The following C17orf107 variants were observed in gnomAD, a reference collection of about 807,000 sequenced individuals.
The protein encoded by C17orf107 is chromosome 17 open reading frame 107, also known as uncharacterized protein C17orf107.
Under a neutral mutation model 8.9 loss-of-function variants are expected in C17orf107, and 9 were observed. The observed-to-expected ratio is 1.02, with a 90% confidence interval of 0.61 to 1.77. The LOEUF is 1.77. C17orf107 is among the 40% of genes most tolerant of loss of function. The pLI, the probability that C17orf107 is intolerant of heterozygous loss-of-function variation, is 0.00. For synonymous variants in C17orf107, 139 were observed against 120.3 expected, an observed-to-expected ratio of 1.16 and a Z score of -1.02; for missense variants, 281 against 249.0, an observed-to-expected ratio of 1.13 and a Z score of -0.86.
downstream of C17orf107, among the ~76,000 whole-genome samples, chr17:4,906,679 C>A (rs892807389): frequency 6.6e-6 from 1 of 151,752 alleles, no homozygotes; most frequent in Non-Finnish European, 1.5e-5. Flanking sequence ...ATAGTGAGAC[C>A]TCATCTGTAA....
chr17:4,906,517 G>C (rs563593766), downstream of C17orf107, among the ~76,000 whole-genome samples: 214 of 152,204 alleles, frequency 1.4e-3, no homozygotes, highest in African/African-American at 4.8e-3. Flanking sequence ...TGATCAAAAA[G>C]AGGGCAGAAG....
At position 4,900,700 on chromosome 17, in the gene C17orf107, C is replaced by T. The variant is rs901628873; in HGVS notation, c.*167C>T. On this transcript the variant is annotated 3_prime_UTR_variant, in exon 3 of 3. Coordinates refer to ENST00000381365, the MANE Select transcript of C17orf107 (RefSeq NM_001145536.2). ...CGTCCGAATAAAGCCCAGGGCGGGG[C>T]GAGACAGCCAGAGCTTTTCCCGGGG... The T allele has an allele frequency of 3.4e-6, 5 of 1,469,402 alleles. No individual in the cohort carries two copies. The highest frequency in any genetic ancestry group is 2.0e-5 in the Admixed American group (1 of 50,742). The allele number at this position is 1,469,402 out of a possible 1,614,324, so 91.0% of individuals were successfully genotyped here.
Position 4,900,578 on chromosome 17 carries a change from C to A in C17orf107, c.*45C>A. The A allele has an allele frequency of 5.2e-6, 8 of 1,548,070 alleles. No individual in the cohort carries two copies. The highest frequency in any genetic ancestry group is 7.0e-6 in the Non-Finnish European group (8 of 1,145,438). ...TAGGGAGGCACTGAGCCGGACTGTC[C>A]CCCAAGAGAGCTACTCGGGAGACCT... On this transcript the variant is annotated 3_prime_UTR_variant, in exon 3 of 3. Coordinates refer to ENST00000381365, the MANE Select transcript of C17orf107 (RefSeq NM_001145536.2).
In C17orf107 at chr17:4,901,171, GATGGCCC is replaced by G. The variant is rs753828284; in HGVS notation, c.*640_*646del. Reference sequence around the variant, plus strand: ...GGCGGATCACCCCCGGGCAGAAGTCGATGGCCCACTCGCCGTTCTCTGCGGGACGGGG... The same window carrying G: ...GGCGGATCACCCCCGGGCAGAAGTCGACTCGCCGTTCTCTGCGGGACGGGG... On this transcript the variant is annotated 3_prime_UTR_variant, in exon 3 of 3. Transcript: ENST00000381365. 350 of 1,606,940 alleles carry G rather than the reference GATGGCCC, an allele frequency of 2.2e-4. No homozygotes were observed. Among genetic ancestry groups the G allele is most frequent in the Non-Finnish European group, 2.9e-4 (344 of 1,179,418 alleles).
rs1333031231 is a variant in C17orf107, at chr17:4,900,026, T to G, written c.157T>G (p.Ser53Ala). ...YLEQRFRELK[S>A]LEPPEPKMQG... ...GGAGCAGAGGTTCAGAGAGCTGAAG[T>G]CCCTGGAGCCACCCGAACCGAAGAT... is the stretch of plus-strand genomic sequence containing the variant. The change falls in exon 2 of 3, where the codon TCC becomes GCC. Residue 53 changes from serine to alanine, a missense_variant. Coordinates refer to ENST00000381365, the MANE Select transcript of C17orf107 (RefSeq NM_001145536.2). 1.3e-6 allele frequency: 2 copies of G among 1,551,444 alleles called. No homozygotes were observed. Among genetic ancestry groups the G allele is most frequent in the Admixed American group, 3.9e-5 (2 of 51,006 alleles).
chr17:4,900,473 A>ATC lies in C17orf107; in HGVS notation c.513_514insTC (p.Gln172SerfsTer4). 1 of 1,551,126 alleles carries ATC rather than the reference A, an allele frequency of 6.4e-7. No individual in the cohort carries two copies. The highest frequency in any genetic ancestry group is 2.0e-5 in the Admixed American group (1 of 51,012). ...CTGCCTCATTCCTGCGACAGTCGCA[A>ATC]CAGCAGCTAGGCCTCGGAATCCCCG... On this transcript the variant is annotated frameshift_variant, in exon 3 of 3. Transcript: ENST00000381365. LOFTEE classifies it low-confidence loss of function (END_TRUNC).
In C17orf107 at chr17:4,899,746, T is replaced by C; in HGVS notation, c.-17T>C. On this transcript the variant is annotated 5_prime_UTR_variant, in exon 1 of 3. Transcript: ENST00000381365. ...GCGTCCCCCAGCCCTTCTCCTGTCC[T>C]ACCACTTGTGGCGGCCATGAAGGGG... The C allele has an allele frequency of 6.4e-7, 1 of 1,550,622 alleles. No homozygotes were observed. Among genetic ancestry groups the C allele is most frequent in the Non-Finnish European group, 8.7e-7 (1 of 1,146,270 alleles).
rs1488395588 is a variant in C17orf107, at chr17:4,902,065, C to T, written c.*1532C>T. On this transcript the variant is annotated 3_prime_UTR_variant, in exon 3 of 3. Coordinates refer to ENST00000381365, the MANE Select transcript of C17orf107 (RefSeq NM_001145536.2). The surrounding 1 kb of genome is among the most constrained non-coding windows in gnomAD (Gnocchi z 4.0). ...TAGACGAGCACGTTGGCGTCGTAGG[C>T]CACTCCGAACTGGCCATCAATACTG... 2 of 1,614,080 alleles carry T rather than the reference C, an allele frequency of 1.2e-6. No individual in the cohort carries two copies. Among genetic ancestry groups the T allele is most frequent in the South Asian group, 2.2e-5 (2 of 91,090 alleles).
rs113559784 is a variant in C17orf107 at position 4,901,884 on chromosome 17, G to GCC, written c.*1359_*1360dup. 0.048 allele frequency: 72,345 copies of GCC among 1,522,418 alleles called. 1,645 individuals are homozygous for GCC. Among genetic ancestry groups the GCC allele is most frequent in the African/African-American group, 0.051 (3,558 of 69,940 alleles). The allele number at this position is 1,522,418 out of a possible 1,614,324, so 94.3% of individuals were successfully genotyped here. ...TTCCCGGTTGGCCCCGCCCCATAAG[G>GCC]CCCCCCCCCAACAATAATCGTCCGG... On this transcript the variant is annotated 3_prime_UTR_variant, in exon 3 of 3. Transcript: ENST00000381365.
rs1048944477 is a variant in C17orf107 at position 4,900,690 on chromosome 17, C to T, written c.*157C>T. On this transcript the variant is annotated 3_prime_UTR_variant, in exon 3 of 3. Transcript: ENST00000381365. ...CCCCACCCAGCGTCCGAATAAAGCCCAGGGCGGGGCGAGACAGCCAGAGCT... is the reference window on the plus strand; with the variant it reads ...CCCCACCCAGCGTCCGAATAAAGCCTAGGGCGGGGCGAGACAGCCAGAGCT... The T allele has an allele frequency of 2.0e-6, 3 of 1,465,426 alleles. No individual in the cohort carries two copies. Among genetic ancestry groups the T allele is most frequent in the Non-Finnish European group, 1.9e-6 (2 of 1,075,048 alleles). 90.8% of individuals were successfully genotyped at this position (1,465,426 alleles called of 1,614,324 possible).
chr17:4,902,734 G>C lies in C17orf107; in HGVS notation c.*2201G>C. 1 of 1,613,970 alleles carries C rather than the reference G, an allele frequency of 6.2e-7. No individual in the cohort carries two copies. The highest frequency in any genetic ancestry group is 8.5e-7 in the Non-Finnish European group (1 of 1,180,008). ...TTGTTGAAGAGATGGTGATAAAGAC[G>C]CAGTTCCTCGTTCTTCCCCACACCC... On this transcript the variant is annotated 3_prime_UTR_variant, in exon 3 of 3. Coordinates refer to ENST00000381365, the MANE Select transcript of C17orf107 (RefSeq NM_001145536.2). This position sits in a 1 kb window ranked among gnomAD's most constrained non-coding sequence, Gnocchi z 4.0.
At chr17:4,903,988 G>T (rs1030649501), downstream of C17orf107, among the ~76,000 whole-genome samples, 1 of 152,140 alleles carries the variant, frequency 6.6e-6, no homozygotes, top group East Asian at 1.9e-4. Flanking sequence ...CTCTGGAGTA[G>T]CTGGGACTAC....
At position 4,902,553 on chromosome 17, in the gene C17orf107, G is replaced by T; in HGVS notation, c.*2020G>T. On this transcript the variant is annotated 3_prime_UTR_variant, in exon 3 of 3. Coordinates refer to ENST00000381365, the MANE Select transcript of C17orf107 (RefSeq NM_001145536.2). The surrounding 1 kb of genome is among the most constrained non-coding windows in gnomAD (Gnocchi z 4.0). ...ATTTCAGGGCCAGAAGTGAGCTTTA[G>T]GACAGAGCTCAGCGGTTGGGGCCAG... The T allele has an allele frequency of 6.2e-7, 1 of 1,613,794 alleles. No individual in the cohort carries two copies. Among genetic ancestry groups the T allele is most frequent in the South Asian group, 1.1e-5 (1 of 91,074 alleles).
Position 4,899,711 on chromosome 17 carries a change from G to T in C17orf107, c.-52G>T. 6.6e-7 allele frequency: 1 copy of T among 1,515,550 alleles called. No homozygotes were observed. The highest frequency in any genetic ancestry group is 9.0e-7 in the Non-Finnish European group (1 of 1,114,794). The allele number at this position is 1,515,550 out of a possible 1,614,324, so 93.9% of individuals were successfully genotyped here. A position where few individuals can be genotyped will look rare whatever the true frequency, so the allele number is the denominator to read the frequency against. On this transcript the variant is annotated 5_prime_UTR_variant, in exon 1 of 3. Transcript: ENST00000381365. ...CGCCCTCCAGCTGCGCCCCCTACAC[G>T]ACGACAGACGCGTCCCCCAGCCCTT...
In C17orf107 at chr17:4,900,506, G is replaced by T. The variant is rs1286932595; in HGVS notation, c.546G>T (p.Pro182=). 1 of 1,550,794 alleles carries T rather than the reference G, an allele frequency of 6.4e-7. No individual in the cohort carries two copies. Among genetic ancestry groups the T allele is most frequent in the Admixed American group, 2.0e-5 (1 of 50,996 alleles). The change falls in exon 3 of 3, where the codon CCG becomes CCT. Residue 182 remains proline (P), a synonymous_variant. Transcript: ENST00000381365. ...QQLGLGIPGE[P]VSSGHGVS Reference sequence around the variant, plus strand: ...TAGGCCTCGGAATCCCCGGAGAACCGGTGAGCTCAGGACACGGGGTGAGTT... The same window carrying T: ...TAGGCCTCGGAATCCCCGGAGAACCTGTGAGCTCAGGACACGGGGTGAGTT...
chr17:4,905,478 T>C (rs1247734107), downstream of C17orf107, among the ~76,000 whole-genome samples: 2 of 152,020 alleles, frequency 1.3e-5, no homozygotes, highest in Non-Finnish European at 2.9e-5. Context: ...GGCGGGAGGA[T>C]TGCTTGACCC....
chr17:4,899,828 G>A lies in C17orf107; in HGVS notation c.66G>A (p.Glu22=). 6.4e-7 allele frequency: 1 copy of A among 1,551,204 alleles called. No homozygotes were observed. Among genetic ancestry groups the A allele is most frequent in the Non-Finnish European group, 8.7e-7 (1 of 1,146,966 alleles). The change falls in exon 1 of 3, where the codon GAG becomes GAA. Residue 22 remains glutamate, a splice_region_variant and synonymous_variant. Transcript: ENST00000381365. ...MWIYHFHSST[E]VALQPPLLSS... ...TCTACCACTTCCACAGCTCCACCGA[G>A]GTGAGGCTACGCCCGCCAAGGGCTG... is the stretch of plus-strand genomic sequence containing the variant.
rs150133823 is a variant in C17orf107, at chr17:4,901,066, G to A, written c.*533G>A. 2.3e-5 allele frequency: 37 copies of A among 1,613,928 alleles called. No homozygotes were observed. Among genetic ancestry groups the A allele is most frequent in the Non-Finnish European group, 2.9e-5 (34 of 1,180,002 alleles). On this transcript the variant is annotated 3_prime_UTR_variant, in exon 3 of 3. Coordinates refer to ENST00000381365, the MANE Select transcript of C17orf107 (RefSeq NM_001145536.2). Reference sequence around the variant, plus strand: ...AGGGCACGATGATGTTAATGACGTAGAAGAGCGGCTTCCGGCGGATGATGA... The same window carrying A: ...AGGGCACGATGATGTTAATGACGTAAAAGAGCGGCTTCCGGCGGATGATGA...
chr17:4,901,187 T>C lies in C17orf107; in HGVS notation c.*654T>C. On this transcript the variant is annotated 3_prime_UTR_variant, in exon 3 of 3. Coordinates refer to ENST00000381365, the MANE Select transcript of C17orf107 (RefSeq NM_001145536.2). ...GCAGAAGTCGATGGCCCACTCGCCG[T>C]TCTCTGCGGGACGGGGGCACGGTCA... is the stretch of plus-strand genomic sequence containing the variant. 6.2e-7 allele frequency: 1 copy of C among 1,603,814 alleles called. No individual in the cohort carries two copies.
Sources: allele counts gnomAD v4.1 joint callset (sites outside exome capture counted in the v4.1 genomes callset), GRCh38; gene constraint gnomAD v4.1.1; non-coding constraint Gnocchi (gnomAD v3.1); transcripts MANE v1.5; gene names NCBI Gene and HGNC (gene_info 2026-07-23, HGNC 2026-07-21).